NUBPL: variants seen among roughly 807,000 people sequenced by gnomAD.
NUBPL encodes iron-sulfur cluster transfer protein NUBPL.
Under a neutral mutation model 45.7 loss-of-function variants are expected in NUBPL, and 31 were observed. The ratio of observed to expected loss-of-function variants is 0.68; its 90% confidence interval spans 0.51 to 0.92. NUBPL has a LOEUF of 0.92. NUBPL is among the 40% of genes least tolerant of loss of function. NUBPL has a pLI of 0.00. For synonymous variants in NUBPL, 144 were observed against 140.9 expected (o/e 1.02, Z -0.15); for missense variants, 401 against 398.7 (o/e 1.01, Z -0.05).
intron 4 of NUBPL, among the ~76,000 whole-genome samples, chr14:31,671,432 A>T (rs2036567991): frequency 6.6e-6 from 1 of 152,216 alleles, no homozygotes; most frequent in Non-Finnish European, 1.5e-5. Flanking sequence ...CATTATAATT[A>T]AATTGGGTTT....
At chr14:31,759,214 T>G (rs550944775) in intron 6 of NUBPL, among the ~76,000 whole-genome samples, 2 of 152,290 alleles carry the variant, frequency 1.3e-5, no homozygotes, top group Non-Finnish European at 2.9e-5. Context: ...AATTTCTTTG[T>G]TTTTTTCTTT....
chr14:31,569,186 G>GT (rs974308720), intron 3 of NUBPL, among the ~76,000 whole-genome samples: 49 of 151,780 alleles, frequency 3.2e-4, no homozygotes, highest in African/African-American at 8.9e-4. Context: ...TGTAGATTGA[G>GT]TTTTTTTTGT....
At chr14:31,711,449 C>T (rs2037568515) in intron 6 of NUBPL, among the ~76,000 whole-genome samples, 1 of 152,086 alleles carries the variant, frequency 6.6e-6, no homozygotes. Context: ...CAGTGGTACT[C>T]ACCGCTCGGC....
chr14:31,834,178 C>CTTTTTTTTT (rs34255943), intron 8 of NUBPL, among the ~76,000 whole-genome samples: 5 of 107,014 alleles, frequency 4.7e-5, no homozygotes, highest in African/African-American at 7.5e-5. Context: ...TGGCCTGGAA[C>CTTTTTTTTT]TTTTTTTTTT....
intron 4 of NUBPL, among the ~76,000 whole-genome samples, chr14:31,635,781 A>G (rs1420977131): frequency 6.6e-6 from 1 of 151,434 alleles, no homozygotes; most frequent in African/African-American, 2.4e-5. Context: ...AGTGGTTTGT[A>G]GTTCTCCTTG....
chr14:31,624,647 C>T (rs2035157028), intron 4 of NUBPL, among the ~76,000 whole-genome samples: 1 of 152,172 alleles, frequency 6.6e-6, no homozygotes, highest in South Asian at 2.1e-4. Context: ...TCACTGCAAC[C>T]TCCGCCTCCT....
At chr14:31,723,700 G>T (rs1220757142) in intron 6 of NUBPL, among the ~76,000 whole-genome samples, 4 of 152,046 alleles carry the variant, frequency 2.6e-5, no homozygotes, top group Admixed American at 6.6e-5. Context: ...TATTCTTTTT[G>T]TGTCAGTTAT....
intron 7 of NUBPL, among the ~76,000 whole-genome samples, chr14:31,793,178 C>T (rs1470845860): frequency 6.6e-6 from 1 of 152,068 alleles, no homozygotes; most frequent in African/African-American, 2.4e-5. Context: ...CTCTCTCCTT[C>T]CCAGTAAACA....
rs539923974 is a variant in NUBPL, at chr14:31,751,587, G to A, written c.514-36193G>A. The stretch of plus-strand genomic sequence containing the variant: ...CAAAGGCTTGGCCAGCTCTGCCCCT[G>A]TGGCTTTGCAGGTACAGCCTCTGTG... On this transcript the variant is annotated intron_variant, in intron 6 of 10. Transcript: ENST00000281081. Among the ~76,000 whole-genome samples, 40 of 152,354 alleles carry A rather than the reference G, an allele frequency of 2.6e-4. 1 individual carries two copies. In the Middle Eastern group the frequency reaches 0.01, roughly 39 times the overall value.
chr14:31,714,322 GA>G (rs1306355335), intron 6 of NUBPL, among the ~76,000 whole-genome samples: 10 of 149,858 alleles, frequency 6.7e-5, no homozygotes, highest in Non-Finnish European at 4.5e-5. Flanking sequence ...CTGAGACTTT[GA>G]AAAAAAAACA....
chr14:31,699,108 G>A (rs1031593994), intron 6 of NUBPL, among the ~76,000 whole-genome samples: 3 of 152,110 alleles, frequency 2.0e-5, no homozygotes, highest in Non-Finnish European at 4.4e-5. Flanking sequence ...ACCTGCCTTG[G>A]CCTCCCAAAG....
chr14:31,675,089 A>T (rs916558864), intron 6 of NUBPL, among the ~76,000 whole-genome samples: 2 of 151,586 alleles, frequency 1.3e-5, no homozygotes, highest in Admixed American at 1.3e-4. Flanking sequence ...GTGAGCCGAG[A>T]TCGTGCCACT....
chr14:31,708,153 A>G (rs1822355), intron 6 of NUBPL, among the ~76,000 whole-genome samples: 55,863 of 152,096 alleles, frequency 0.37, 12,620 homozygotes, highest in East Asian at 0.59. Flanking sequence ...AAGATCTTGG[A>G]CTAGTCTCCA....
chr14:31,684,798 T>C lies in NUBPL; in HGVS notation c.513+11224T>C, dbSNP rs547599661. 4.6e-5 allele frequency among the ~76,000 whole-genome samples: 7 copies of C among 152,318 alleles called. No homozygotes were observed. In the South Asian group the frequency reaches 1.5e-3, roughly 32 times the overall value. ...TGGTGTATTAGATTTGTTGATGTTA[T>C]AATGGGTATCAACATTGTTACCAGC... On this transcript the variant is annotated intron_variant, in intron 6 of 10. Coordinates refer to ENST00000281081, the MANE Select transcript of NUBPL (RefSeq NM_025152.3).
chr14:31,595,604 A>G (rs1478554585), intron 3 of NUBPL, among the ~76,000 whole-genome samples: 3 of 152,206 alleles, frequency 2.0e-5, no homozygotes, highest in Non-Finnish European at 4.4e-5. Flanking sequence ...AGCTGCATAC[A>G]TTTATTTATA....
intron 7 of NUBPL, among the ~76,000 whole-genome samples, chr14:31,806,764 C>T (rs2039695218): frequency 6.6e-6 from 1 of 151,214 alleles, no homozygotes; most frequent in Admixed American, 6.6e-5. Flanking sequence ...ACTGCTATCC[C>T]TCTCCCATCC....
At chr14:31,700,941 G>A (rs956135517) in intron 6 of NUBPL, among the ~76,000 whole-genome samples, 1 of 152,186 alleles carries the variant, frequency 6.6e-6, no homozygotes, top group Non-Finnish European at 1.5e-5. Context: ...GCAGGTGCGC[G>A]GCGCGGGACT....
intron 6 of NUBPL, among the ~76,000 whole-genome samples, chr14:31,767,364 G>A (rs2038933457): frequency 6.6e-6 from 1 of 151,974 alleles, no homozygotes; most frequent in South Asian, 2.1e-4. Flanking sequence ...CACCATGCCT[G>A]GCTAATTTTT....
At chr14:31,565,300 A>G (rs930851369) in intron 3 of NUBPL, among the ~76,000 whole-genome samples, 2 of 152,070 alleles carry the variant, frequency 1.3e-5, no homozygotes, top group South Asian at 2.1e-4. Flanking sequence ...TCCTAAACCA[A>G]TTTTGCCTTT....
Sources: allele counts gnomAD v4.1 joint callset (sites outside exome capture counted in the v4.1 genomes callset), GRCh38; gene constraint gnomAD v4.1.1; transcripts MANE v1.5; gene names NCBI Gene and HGNC (gene_info 2026-07-23, HGNC 2026-07-21).